Variants in PLEKHA1 observed in about 807,000 individuals in gnomAD.
PLEKHA1 encodes pleckstrin homology domain containing A1.
A neutral mutation model predicts 52.0 loss-of-function variants in PLEKHA1; 34 were observed. The observed-to-expected ratio is 0.65, with a 90% CI of 0.50 to 0.87. The LOEUF is 0.87. Among genes scored for constraint, PLEKHA1 ranks in the 40% least tolerant of loss-of-function variants. The probability of loss-of-function intolerance (pLI) is 0.00; values close to 1 mark genes in which losing one functional copy is unlikely to be tolerated. For synonymous variants in PLEKHA1, 163 were observed against 170.7 expected (o/e 0.95, Z 0.35); for missense variants, 497 against 504.2 (o/e 0.99, Z 0.14).
intron 11 of PLEKHA1, among the ~76,000 whole-genome samples, 174 bp from the exon 12 acceptor site, chr10:122,429,450 G>T (rs1479671890): frequency 6.6e-6 from 1 of 151,980 alleles, no homozygotes; most frequent in Non-Finnish European, 1.5e-5. Flanking sequence ...GTTGCTTTGG[G>T]AAAGAACTTG....
At chr10:122,401,030 C>G (rs567675118) in intron 4 of PLEKHA1, among the ~76,000 whole-genome samples, 1 of 152,288 alleles carries the variant, frequency 6.6e-6, no homozygotes, top group Non-Finnish European at 1.5e-5. Context: ...GTCGGGGAGC[C>G]TCACTGGAGG....
At chr10:122,375,244 C>T (rs929780428) in intron 1 of PLEKHA1, among the ~76,000 whole-genome samples, 1 of 152,100 alleles carries the variant, frequency 6.6e-6, no homozygotes, top group Non-Finnish European at 1.5e-5. Context: ...CGGGGATTCC[C>T]GGTGGCGCCG....
intron 2 of PLEKHA1, among the ~76,000 whole-genome samples, chr10:122,395,932 C>T (rs984734043): frequency 6.6e-6 from 1 of 152,106 alleles, no homozygotes; most frequent in Non-Finnish European, 1.5e-5. Flanking sequence ...TCATAATCAA[C>T]AAATGGCCTA....
chr10:122,384,585 G>T (rs562874213), intron 1 of PLEKHA1, among the ~76,000 whole-genome samples: 1 of 145,354 alleles, frequency 6.9e-6, no homozygotes, highest in East Asian at 2.1e-4. Flanking sequence ...CTCCAGCCTG[G>T]GTGACAGAGC....
In PLEKHA1 at chr10:122,416,413, G is replaced by T. The variant is rs1019595538; in HGVS notation, c.612+411G>T. Among the ~76,000 whole-genome samples the T allele has an allele frequency of 2.6e-5, 4 of 152,324 alleles. No homozygotes were observed. The East Asian group carries it at 5.8e-4, about 22-fold the overall frequency. On this transcript the variant is annotated intron_variant, in intron 7 of 11. Coordinates refer to ENST00000368990, the MANE Select transcript of PLEKHA1 (RefSeq NM_001001974.4). ...TTGTTTAGGCATTGGCCTGACCTCC[G>T]TGGTAAGCTCTCTGACCTTGGGCTA...
At chr10:122,389,671 C>T (rs1368790985) in intron 1 of PLEKHA1, among the ~76,000 whole-genome samples, 1 of 152,090 alleles carries the variant, frequency 6.6e-6, no homozygotes, top group Non-Finnish European at 1.5e-5. Flanking sequence ...GATTGCGCCA[C>T]CACTCTAGCC....
rs780994554 is a variant in PLEKHA1, at chr10:122,393,188, T to G, written c.-13T>G. The G allele has an allele frequency of 6.2e-7, 1 of 1,605,510 alleles. No individual in the cohort carries two copies. The highest frequency in any genetic ancestry group is 1.1e-5 in the South Asian group (1 of 88,744). ...AATATTTTTATTTTACAGTGTAATG[T>G]TCAAGCTCAGAAATGCCTTATGTGG... On this transcript the variant is annotated 5_prime_UTR_variant, in exon 2 of 12. Transcript: ENST00000368990. This position sits in a 1 kb window ranked among gnomAD's most constrained non-coding sequence, Gnocchi z 4.5.
intron 11 of PLEKHA1, 84 bp downstream of exon 11, chr10:122,427,115 C>G: frequency 7.8e-7 from 1 of 1,280,300 alleles, no homozygotes; most frequent in Non-Finnish European, 1.1e-6. Context: ...CATCCGGTTT[C>G]TTTCTTTCTT....
downstream of PLEKHA1, chr10:122,434,012 T>A (rs182884436): frequency 1.3e-5 from 2 of 152,352 alleles, no homozygotes; most frequent in Non-Finnish European, 2.9e-5. Context: ...GTTTTCTTGT[T>A]CACGCCAGCC....
chr10:122,421,604 C>T (rs1293015553), intron 8 of PLEKHA1: 1 of 151,682 alleles, frequency 6.6e-6, no homozygotes, highest in Non-Finnish European at 1.5e-5. Flanking sequence ...GCTGTATTTT[C>T]AATCCTTGTA....
At chr10:122,436,042 T>C (rs1365642607), downstream of PLEKHA1, 2 of 152,174 alleles carry the variant, frequency 1.3e-5, no homozygotes, top group African/African-American at 4.8e-5. Flanking sequence ...GGCCCCTCTT[T>C]GTTGTTCTTT....
In PLEKHA1 at chr10:122,415,962, C is replaced by T. The variant is rs376958947; in HGVS notation, c.572C>T (p.Ala191Val). 2.2e-5 allele frequency: 36 copies of T among 1,612,986 alleles called. No individual in the cohort carries two copies. The highest frequency in any genetic ancestry group is 2.0e-4 in the East Asian group (9 of 44,824). ...YFTPKPPQDS[A>V]VIKAGYCVKQ... Reference sequence around the variant, plus strand: ...ACTCCTAAACCACCTCAAGATAGTGCGGTTATCAAAGCTGGATATTGTGTA... The same window carrying T: ...ACTCCTAAACCACCTCAAGATAGTGTGGTTATCAAAGCTGGATATTGTGTA... Residue 191 changes from alanine to valine, a missense_variant, in exon 7 of 12, where the codon GCG becomes GTG. Ala to Val is a moderately conservative substitution (Grantham distance 64). Transcript: ENST00000368990.
rs1418897532 is a variant in PLEKHA1 at position 122,412,950 on chromosome 10, T to A, written c.373T>A (p.Ser125Thr). The part of the protein sequence containing the change: ...VPKQSDSQPN[S>T]DNLSRHGECG... ...AAAGCAGTCAGACTCACAGCCTAAT[T>A]CTGATAACCTAAGTCGCCATGGTGA... is the stretch of plus-strand genomic sequence containing the variant. The change falls in exon 6 of 12, where the codon TCT becomes ACT. Residue 125 changes from serine (S) to threonine (T), a missense_variant. Physicochemically the swap from Ser to Thr is moderately conservative, Grantham distance 58. Transcript: ENST00000368990. 1.2e-6 allele frequency: 2 copies of A among 1,613,560 alleles called. No individual in the cohort carries two copies. The highest frequency in any genetic ancestry group is 2.2e-5 in the South Asian group (2 of 91,048).
chr10:122,380,594 G>T (rs1264293221), intron 1 of PLEKHA1, among the ~76,000 whole-genome samples: 1 of 152,158 alleles, frequency 6.6e-6, no homozygotes. Context: ...TTGGGATGGG[G>T]TAACAGGGCA....
intron 1 of PLEKHA1, among the ~76,000 whole-genome samples, chr10:122,380,315 T>C (rs1290994811): frequency 6.6e-6 from 1 of 152,222 alleles, no homozygotes; most frequent in Non-Finnish European, 1.5e-5. Context: ...AAATCCCTGC[T>C]GTCATGGAGC....
intron 2 of PLEKHA1, 23 bp from the exon 3 acceptor site, chr10:122,397,895 A>T: frequency 6.5e-7 from 1 of 1,532,320 alleles, no homozygotes; most frequent in Non-Finnish European, 9.0e-7. Context: ...GATATTAAGT[A>T]TATATTAATA....
intron 5 of PLEKHA1, among the ~76,000 whole-genome samples, chr10:122,410,715 A>T (rs934246375): frequency 2.6e-5 from 4 of 152,216 alleles, no homozygotes; most frequent in African/African-American, 9.6e-5. Context: ...GACTTTTAAT[A>T]TACTGTAATT....
At chr10:122,412,528 G>C (rs1406142704) in intron 5 of PLEKHA1, 1 of 163,872 alleles carries the variant, frequency 6.1e-6, no homozygotes, top group Non-Finnish European at 1.3e-5. Context: ...CTAGAGCACA[G>C]CAGTTGGGCT....
chr10:122,424,008 TGTATATAAG>T (rs2097300640), intron 8 of PLEKHA1, 182 bp from the exon 9 acceptor site: 1 of 678,104 alleles, frequency 1.5e-6, no homozygotes, highest in Non-Finnish European at 2.3e-6. Flanking sequence ...CAAACAACAG[TGTATATAAG>T]GTTATAGTGT....
Sources: allele counts gnomAD v4.1 joint callset (sites outside exome capture counted in the v4.1 genomes callset), GRCh38; gene constraint gnomAD v4.1.1; non-coding constraint Gnocchi (gnomAD v3.1); transcripts MANE v1.5; gene names NCBI Gene and HGNC (gene_info 2026-07-23, HGNC 2026-07-21).